Variants in NCKAP5 observed in about 807,000 individuals in gnomAD.
NCKAP5 encodes NCK associated protein 5.
A neutral mutation model predicts 167.0 loss-of-function variants in NCKAP5; 92 were observed. That is an observed-to-expected ratio of 0.55 (90% confidence interval 0.47 to 0.66). The LOEUF is 0.66. NCKAP5 is among the 30% of genes least tolerant of loss of function. The pLI is 0.00. For missense variants in NCKAP5, 2,378 were observed against 2,315.0 expected (o/e 1.03, Z -0.56); for synonymous variants, 891 against 877.4 (o/e 1.02, Z -0.27).
At chr2:133,426,261 C>T (rs1473662135) in intron 3 of NCKAP5, among the ~76,000 whole-genome samples, 1 of 151,292 alleles carries the variant, frequency 6.6e-6, no homozygotes, top group African/African-American at 2.4e-5. Flanking sequence ...CGGAGCCAAA[C>T]TTCATCTCAA....
chr2:133,371,701 CTTGTGGTTT>C (rs1685815874), intron 3 of NCKAP5, among the ~76,000 whole-genome samples: 1 of 152,180 alleles, frequency 6.6e-6, no homozygotes, highest in African/African-American at 2.4e-5. Flanking sequence ...TTCTCACTAG[CTTGTGGTTT>C]AACCTCTGAA....
At chr2:132,938,394 C>G (rs1697015517) in intron 8 of NCKAP5, among the ~76,000 whole-genome samples, 1 of 152,122 alleles carries the variant, frequency 6.6e-6, no homozygotes, top group African/African-American at 2.4e-5. Flanking sequence ...GTTAGAGAAT[C>G]CAGGGCTTTC....
At chr2:133,607,401 G>T in the NCKAP5 span, among the ~76,000 whole-genome samples, 1 of 152,126 alleles carries the variant, frequency 6.6e-6, no homozygotes, top group Non-Finnish European at 1.5e-5. Context: ...CTTCAGTCTA[G>T]TATGCGTCCA....
chr2:132,746,601 T>C (rs1159946626), intron 16 of NCKAP5, among the ~76,000 whole-genome samples: 4 of 152,040 alleles, frequency 2.6e-5, no homozygotes, highest in Non-Finnish European at 5.9e-5. Context: ...GCAAGCAACA[T>C]ATACCCATCA....
At chr2:133,010,441 A>G (rs1406865436) in intron 6 of NCKAP5, among the ~76,000 whole-genome samples, 5 of 152,172 alleles carry the variant, frequency 3.3e-5, no homozygotes, top group Non-Finnish European at 5.9e-5. Flanking sequence ...CTACATCTCA[A>G]TATCAACCAG....
chr2:132,865,778 G>A (rs973300712), intron 10 of NCKAP5, among the ~76,000 whole-genome samples: 4 of 152,200 alleles, frequency 2.6e-5, no homozygotes, highest in Non-Finnish European at 5.9e-5. Flanking sequence ...CATAATTAAA[G>A]CAAGGGCTCT....
intron 16 of NCKAP5, among the ~76,000 whole-genome samples, chr2:132,746,438 A>G (rs1290843125): frequency 6.6e-6 from 1 of 152,156 alleles, no homozygotes; most frequent in Non-Finnish European, 1.5e-5. Context: ...AAACATCCAG[A>G]AGAAAATATC....
chr2:133,560,631 A>T (rs1484347525), intron 1 of NCKAP5, among the ~76,000 whole-genome samples: 1 of 152,088 alleles, frequency 6.6e-6, no homozygotes, highest in Non-Finnish European at 1.5e-5. Flanking sequence ...GTAGGAAGAG[A>T]ACAGCTCTGG....
chr2:132,683,857 C>T (rs966230702), intron 19 of NCKAP5, among the ~76,000 whole-genome samples: 4 of 152,080 alleles, frequency 2.6e-5, no homozygotes, highest in African/African-American at 9.7e-5. Flanking sequence ...TTCTTAGAGG[C>T]AGCAATGAGA....
chr2:132,748,977 T>C lies in NCKAP5; in HGVS notation c.5129-16926A>G, dbSNP rs550253605. On this transcript the variant is annotated intron_variant, in intron 16 of 19. Coordinates refer to ENST00000409261, the MANE Select transcript of NCKAP5 (RefSeq NM_207363.3). ...TTTTGTATTTTTAGTAGAGATGGGG[T>C]TTCAGGGTCTTGAACTCCTGACCTC... Among the ~76,000 whole-genome samples, 3 of 151,994 alleles carry C rather than the reference T, an allele frequency of 2.0e-5. No individual in the cohort carries two copies. In the South Asian group the frequency reaches 6.2e-4, roughly 32 times the overall value.
At chr2:132,697,512 A>C (rs942807689) in intron 19 of NCKAP5, among the ~76,000 whole-genome samples, 2 of 152,240 alleles carry the variant, frequency 1.3e-5, no homozygotes, top group African/African-American at 4.8e-5. Flanking sequence ...CTTGGGGAAC[A>C]TTAACATAAA....
At chr2:133,037,929 C>T (rs993139833) in intron 6 of NCKAP5, among the ~76,000 whole-genome samples, 1 of 151,834 alleles carries the variant, frequency 6.6e-6, no homozygotes, top group African/African-American at 2.4e-5. Context: ...TATACTTGTC[C>T]CAGTTAAAAT....
intron 4 of NCKAP5, among the ~76,000 whole-genome samples, chr2:133,238,522 C>T (rs780974495): frequency 9.2e-5 from 14 of 152,266 alleles, no homozygotes; most frequent in Middle Eastern, 3.4e-3. Context: ...ACACAGGCAC[C>T]GTTGTTTTTG....
intron 3 of NCKAP5, among the ~76,000 whole-genome samples, chr2:133,414,956 C>T (rs150073556): frequency 6.6e-6 from 1 of 152,304 alleles, no homozygotes; most frequent in African/African-American, 2.4e-5. Context: ...GATAAGGATT[C>T]ACTGACAGGG....
rs192277504 is a variant in NCKAP5 at position 132,921,629 on chromosome 2, T to A, written c.579+42091A>T. Among the ~76,000 whole-genome samples, 31 of 152,270 alleles carry A rather than the reference T, an allele frequency of 2.0e-4. 1 individual carries two copies. The highest frequency in any genetic ancestry group is 6.7e-4 in the African/African-American group (28 of 41,558). On this transcript the variant is annotated intron_variant, in intron 8 of 19. Coordinates refer to ENST00000409261, the MANE Select transcript of NCKAP5 (RefSeq NM_207363.3). ...GGCCTCCTGGAGGTAGTGGCAATCA[T>A]CCCGCCTTTGAAGGCTGAGTGCAGG... is the stretch of plus-strand genomic sequence containing the variant.
chr2:132,797,041 A>G (rs908883495), intron 11 of NCKAP5, among the ~76,000 whole-genome samples: 3 of 152,204 alleles, frequency 2.0e-5, no homozygotes, highest in African/African-American at 4.8e-5. Context: ...ACTCTGATAT[A>G]TTTATTGGGT....
chr2:132,971,424 G>T (rs1395907256), intron 7 of NCKAP5, among the ~76,000 whole-genome samples: 3 of 152,164 alleles, frequency 2.0e-5, no homozygotes, highest in Non-Finnish European at 4.4e-5. Flanking sequence ...TTGTCAAGGA[G>T]TTTTGTCTTT....
intron 8 of NCKAP5, among the ~76,000 whole-genome samples, chr2:132,884,113 G>C (rs1224691096): frequency 6.6e-6 from 1 of 152,136 alleles, no homozygotes; most frequent in Non-Finnish European, 1.5e-5. Flanking sequence ...TGACCTTGTT[G>C]CTCTGGGGCT....
intron 3 of NCKAP5, among the ~76,000 whole-genome samples, chr2:133,334,398 T>C (rs757015852): frequency 6.6e-6 from 1 of 152,156 alleles, no homozygotes; most frequent in Non-Finnish European, 1.5e-5. Context: ...AGATGCTAGC[T>C]CGGGCACTTT....
Sources: allele counts gnomAD v4.1 joint callset (sites outside exome capture counted in the v4.1 genomes callset), GRCh38; gene constraint gnomAD v4.1.1; transcripts MANE v1.5; gene names NCBI Gene and HGNC (gene_info 2026-07-23, HGNC 2026-07-21).